TRAPPC9: variants seen among roughly 807,000 people sequenced by gnomAD.
TRAPPC9 encodes trafficking protein particle complex subunit 9.
TRAPPC9 carries 83 observed loss-of-function variants against 124.0 expected under a neutral mutation model. That is an observed-to-expected ratio of 0.67 (90% CI 0.56 to 0.80). TRAPPC9 has a LOEUF of 0.80. Ranked by LOEUF, TRAPPC9 falls within the 30% of genes least tolerant of loss-of-function variation. TRAPPC9 has a pLI of 0.00. For synonymous variants in TRAPPC9, 638 were observed against 617.5 expected (o/e 1.03, Z -0.49); for missense variants, 1,302 against 1,508.3 (o/e 0.86, Z 2.27).
intron 6 of TRAPPC9, among the ~76,000 whole-genome samples, chr8:140,401,445 G>A (rs1316239736): frequency 6.6e-6 from 1 of 152,076 alleles, no homozygotes; most frequent in Non-Finnish European, 1.5e-5. Flanking sequence ...ACTGTTTCAT[G>A]ACACAAGAAA....
intron 21 of TRAPPC9, among the ~76,000 whole-genome samples, chr8:139,834,487 C>T (rs1826196559): frequency 6.6e-6 from 1 of 152,232 alleles, no homozygotes; most frequent in South Asian, 2.1e-4. Flanking sequence ...GGCACAGCTG[C>T]AAGGCACGGG....
chr8:140,403,481 A>G (rs2132418186), intron 6 of TRAPPC9, among the ~76,000 whole-genome samples: 1 of 152,214 alleles, frequency 6.6e-6, no homozygotes, highest in Admixed American at 6.5e-5. Context: ...CCTGGCCTCA[A>G]GTGACCCACC....
At chr8:140,190,083 T>A (rs562593346) in intron 17 of TRAPPC9, among the ~76,000 whole-genome samples, 1 of 152,314 alleles carries the variant, frequency 6.6e-6, no homozygotes, top group African/African-American at 2.4e-5. Flanking sequence ...TTGACCACTG[T>A]CCTATACCAG....
chr8:140,405,509 A>C, intron 6 of TRAPPC9, 68 bp downstream of exon 6: 6 of 1,549,106 alleles, frequency 3.9e-6, no homozygotes, highest in Middle Eastern at 1.7e-4. Flanking sequence ...GCATTACACA[A>C]TGTAAAATGG....
chr8:139,993,161 A>C (rs374513633), intron 18 of TRAPPC9, among the ~76,000 whole-genome samples: 2 of 152,352 alleles, frequency 1.3e-5, no homozygotes, highest in East Asian at 1.9e-4. Flanking sequence ...AGGCATTTGC[A>C]ACATATTAAA....
At chr8:139,845,530 C>T (rs932653608) in intron 21 of TRAPPC9, among the ~76,000 whole-genome samples, 1 of 152,188 alleles carries the variant, frequency 6.6e-6, no homozygotes, top group African/African-American at 2.4e-5. Context: ...TTGGGTATGG[C>T]ACTATGACTA....
intron 20 of TRAPPC9, among the ~76,000 whole-genome samples, chr8:139,893,254 C>T (rs912165711): frequency 1.2e-4 from 18 of 152,198 alleles, no homozygotes; most frequent in Non-Finnish European, 2.1e-4. Context: ...GATCCACATC[C>T]TCACGGCGTG....
chr8:140,362,839 C>CTGATAATTACATAAT (rs2067997598), intron 8 of TRAPPC9, among the ~76,000 whole-genome samples: 1 of 152,170 alleles, frequency 6.6e-6, no homozygotes, highest in Non-Finnish European at 1.5e-5. Context: ...AAGAATTGGG[C>CTGATAATTACATAAT]AAATATCACT....
At chr8:140,197,916 C>T (rs957418871) in intron 17 of TRAPPC9, among the ~76,000 whole-genome samples, 2 of 152,112 alleles carry the variant, frequency 1.3e-5, no homozygotes, top group African/African-American at 4.8e-5. Flanking sequence ...GTTCAAGAAA[C>T]GAGAGAAGGC....
intron 17 of TRAPPC9, chr8:140,041,179 T>C (rs1270014960): frequency 6.6e-6 from 1 of 152,140 alleles, no homozygotes; most frequent in Non-Finnish European, 1.5e-5. Flanking sequence ...ATCTCCTCTC[T>C]CTGACAGTTT....
At chr8:139,736,737 A>AG (rs1389691517) in intron 21 of TRAPPC9, among the ~76,000 whole-genome samples, 1 of 152,226 alleles carries the variant, frequency 6.6e-6, no homozygotes, top group Non-Finnish European at 1.5e-5. Flanking sequence ...ACCGCATGGC[A>AG]GGGCTGTGCC....
intron 14 of TRAPPC9, among the ~76,000 whole-genome samples, chr8:140,278,846 C>A (rs2065211506): frequency 6.6e-6 from 1 of 152,262 alleles, no homozygotes; most frequent in Non-Finnish European, 1.5e-5. Flanking sequence ...CTGCGCGTCT[C>A]CTCGGCAGAG....
In TRAPPC9 at chr8:140,221,046, G is replaced by A. The variant is rs554329704; in HGVS notation, c.2556+413C>T. Among the ~76,000 whole-genome samples the A allele has an allele frequency of 5.9e-5, 9 of 152,336 alleles. No homozygotes were observed. The South Asian group carries it at 1.9e-3, about 32-fold the overall frequency. On this transcript the variant is annotated intron_variant, in intron 17 of 22. Transcript: ENST00000438773. The stretch of plus-strand genomic sequence containing the variant: ...TTGCACTGACATTCACTTGCTACCG[G>A]CATATCTGTCTTGGCTTCCTTGGTG...
chr8:140,251,237 A>G (rs2064125272), intron 16 of TRAPPC9, among the ~76,000 whole-genome samples: 2 of 152,220 alleles, frequency 1.3e-5, no homozygotes. Flanking sequence ...CAAGTGTTCC[A>G]GGGGCAGGTG....
At chr8:140,418,834 G>A (rs1157939372) in intron 5 of TRAPPC9, among the ~76,000 whole-genome samples, 2 of 152,194 alleles carry the variant, frequency 1.3e-5, no homozygotes, top group South Asian at 2.1e-4. Context: ...AATCCAGCAT[G>A]ATATAAAAAG....
intron 9 of TRAPPC9, among the ~76,000 whole-genome samples, chr8:140,348,483 A>G (rs1466248608): frequency 2.6e-5 from 4 of 152,188 alleles, no homozygotes; most frequent in Admixed American, 1.3e-4. Context: ...ACAACGCTCA[A>G]AAAGGCTGAC....
At chr8:140,344,206 C>T (rs2067272231) in intron 9 of TRAPPC9, among the ~76,000 whole-genome samples, 1 of 152,096 alleles carries the variant, frequency 6.6e-6, no homozygotes, top group African/African-American at 2.4e-5. Flanking sequence ...AGGAAGTGGC[C>T]CTCACAGGAC....
intron 15 of TRAPPC9, among the ~76,000 whole-genome samples, chr8:140,269,821 G>A (rs1344598157): frequency 1.3e-5 from 2 of 151,862 alleles, no homozygotes; most frequent in East Asian, 2.0e-4. Context: ...AAGGATGGTC[G>A]GGCACGGTCG....
At chr8:139,902,450 G>T (rs968077269) in intron 20 of TRAPPC9, among the ~76,000 whole-genome samples, 1 of 152,174 alleles carries the variant, frequency 6.6e-6, no homozygotes, top group African/African-American at 2.4e-5. Context: ...GAGATTAAAG[G>T]CCTCAGAACC....
Sources: gnomAD v4.1 joint callset for allele counts (sites outside exome capture counted in the v4.1 genomes callset) on GRCh38, gnomAD v4.1.1 for gene constraint, MANE v1.5 for transcripts, NCBI Gene and HGNC (gene_info 2026-07-23, HGNC 2026-07-21) for gene names.